Variants in TRO observed in about 807,000 individuals in gnomAD.
The protein encoded by TRO is trophinin.
In TRO, 29 loss-of-function variants were observed where a neutral mutation model predicts 42.3. The ratio of observed to expected loss-of-function variants is 0.68; its 90% CI spans 0.51 to 0.93. The LOEUF (loss-of-function observed/expected upper bound fraction) is 0.93. Ranked by LOEUF, TRO falls within the 40% of genes least tolerant of loss-of-function variation. The probability of loss-of-function intolerance (pLI) is 0.00; values close to 1 mark genes in which losing one functional copy is unlikely to be tolerated. For missense variants in TRO, 963 were observed against 1,127.7 expected (o/e 0.85, Z 2.09); for synonymous variants, 384 against 425.2 (o/e 0.90, Z 1.19).
In TRO at chrX:54,929,278, A is replaced by G; in HGVS notation, c.2554A>G (p.Thr852Ala). 8.3e-7 allele frequency: 1 copy of G among 1,211,787 alleles called. No individual in the cohort carries two copies. The highest frequency in any genetic ancestry group is 3.0e-5 in the East Asian group (1 of 33,847). The change falls in exon 12 of 13, where the codon ACA becomes GCA. Residue 852 changes from threonine to alanine, a missense_variant. By Grantham distance (58) the Thr-to-Ala change is moderately conservative. Around this residue, in one of 2 missense-constraint regions of TRO, gnomAD observed 641 missense variants for 811.3 expected, o/e 0.79. Coordinates refer to ENST00000173898, the MANE Select transcript of TRO (RefSeq NM_001039705.3). ...TGGAGCCAGCTCTGGCTTTGGAGGC[A>G]CACTCAGCACCACGGCTGGCTTTAG... is the stretch of plus-strand genomic sequence containing the variant. ...SGGASSGFGG[T>A]LSTTAGFSGV...
intron 1 of TRO, 151 bp from the exon 2 acceptor site, chrX:54,922,052 C>T (rs1485985578): frequency 7.4e-6 from 3 of 407,827 alleles, no homozygotes; most frequent in East Asian, 4.1e-5. Flanking sequence ...GCAAAAGGAG[C>T]TGGGCCTTGG....
Position 54,930,033 on chromosome X carries a change from T to G in TRO, c.3309T>G (p.Phe1103Leu). 8.3e-7 allele frequency: 1 copy of G among 1,210,349 alleles called. No homozygotes were observed. ...CCAACCCTGGCTTTGGCGGTGCATTTAGCACCAGTGCTGGCTTCGGTGGGG... is the reference window on the plus strand; with the variant it reads ...CCAACCCTGGCTTTGGCGGTGCATTGAGCACCAGTGCTGGCTTCGGTGGGG... ...PITNPGFGGA[F>L]STSAGFGGAL... Residue 1103 changes from phenylalanine to leucine, a missense_variant, in exon 12 of 13, where the codon TTT (phenylalanine) becomes TTG (leucine). Phe to Leu is a conservative substitution (Grantham distance 22, BLOSUM62 0). This residue lies in a region of TRO where 641 missense variants were observed against 811.3 expected (regional missense o/e 0.79). Transcript: ENST00000173898.
At chrX:54,924,594 C>G in intron 4 of TRO, 39 bp downstream of exon 4, 1 of 1,197,915 alleles carries the variant, frequency 8.3e-7, no homozygotes, top group Non-Finnish European at 1.1e-6. Context: ...CTCTTCTTCA[C>G]TTGCCCTCTT....
Position 54,931,322 on chromosome X carries a change from C to T in TRO, c.*130C>T, listed in dbSNP as rs1368962331. On this transcript the variant is annotated 3_prime_UTR_variant, in exon 13 of 13. Transcript: ENST00000173898. ...AGTCAAGGCAGTTATGGCCAATCAG[C>T]TGAGGGTGTCATGTGATGGAAAAAT... The T allele has an allele frequency of 8.3e-7, 1 of 1,211,040 alleles. No homozygotes were observed. The highest frequency in any genetic ancestry group is 2.2e-5 in the Admixed American group (1 of 46,002).
rs377759251 is a variant in TRO at position 54,930,061 on chromosome X, C to T, written c.3337C>T (p.Leu1113Phe). 8.3e-7 allele frequency: 1 copy of T among 1,207,700 alleles called. No individual in the cohort carries two copies. Among genetic ancestry groups the T allele is most frequent in the African/African-American group, 1.8e-5 (1 of 56,938 alleles). Residue 1113 changes from leucine to phenylalanine, a missense_variant, in exon 12 of 13, where the codon CTT becomes TTT. Leu to Phe is a conservative substitution (Grantham distance 22). Coordinates refer to ENST00000173898, the MANE Select transcript of TRO (RefSeq NM_001039705.3). ...CACCAGTGCTGGCTTCGGTGGGGCACTTAGTACCGCTGCTGACTTCGGTGG... is the reference window on the plus strand; with the variant it reads ...CACCAGTGCTGGCTTCGGTGGGGCATTTAGTACCGCTGCTGACTTCGGTGG... ...FSTSAGFGGALSTAADFGGTP... is the reference protein window; with the variant it reads ...FSTSAGFGGAFSTAADFGGTP...
At position 54,929,564 on chromosome X, in the gene TRO, C is replaced by A. The variant is rs1932922459; in HGVS notation, c.2840C>A (p.Ala947Asp). The part of the protein sequence containing the change: ...VSFGGSSSTS[A>D]NFGGTLSTSI... ...TTTGGTGGCTCTTCCAGCACCAGTGCCAATTTTGGTGGTACACTAAGTACC... is the reference window on the plus strand; with the variant it reads ...TTTGGTGGCTCTTCCAGCACCAGTGACAATTTTGGTGGTACACTAAGTACC... Residue 947 changes from alanine to aspartate, a missense_variant, in exon 12 of 13, where the codon GCC (alanine) becomes GAC (aspartate). Around this residue, in one of 2 missense-constraint regions of TRO, gnomAD observed 641 missense variants for 811.3 expected, o/e 0.79. Transcript: ENST00000173898. The A allele has an allele frequency of 8.3e-7, 1 of 1,210,352 alleles. No homozygotes were observed.
rs1341740620 is a variant in TRO at position 54,922,507 on chromosome X, A to G, written c.46-71A>G. ...ATTAACCACTGCTCAGAGGAAGGGA[A>G]GGCCTTTGTGGAAAGGGATGGGCTT... On this transcript the variant is annotated intron_variant, in intron 2 of 12. Coordinates refer to ENST00000173898, the MANE Select transcript of TRO (RefSeq NM_001039705.3). The G allele has an allele frequency of 2.9e-6, 3 of 1,031,283 alleles. No individual in the cohort carries two copies. In the African/African-American group the frequency reaches 5.7e-5, roughly 20 times the overall value. 85.0% of individuals were successfully genotyped at this position (1,031,283 alleles called of 1,213,427 possible).
Position 54,924,069 on chromosome X carries a change from G to A in TRO, c.1236+301G>A, listed in dbSNP as rs1932465327. On this transcript the variant is annotated intron_variant, in intron 3 of 12. Transcript: ENST00000173898. ...ACAGTTACACAGGGTATGTCTGAAT[G>A]TCTTGAAAGTAACTCTTACCAACAA... 3.2e-5 allele frequency: 11 copies of A among 347,988 alleles called. No individual in the cohort carries two copies. In the East Asian group the frequency reaches 4.8e-4, roughly 15 times the overall value. 28.7% of individuals were successfully genotyped at this position (347,988 alleles called of 1,213,427 possible).
chrX:54,923,124 A>C lies in TRO; in HGVS notation c.592A>C (p.Thr198Pro). ...GTCAGCCAGTTCCCAAGCCTTGATA[A>C]CCTCTATCAAGCCTAAGAAAGCTTC... ...NESASSQALITSIKPKKASKA... is the reference protein window; with the variant it reads ...NESASSQALIPSIKPKKASKA... Residue 198 changes from threonine (T) to proline (P), a missense_variant, in exon 3 of 13, where the codon ACC (threonine) becomes CCC (proline). Physicochemically the swap from Thr to Pro is conservative, Grantham distance 38 (BLOSUM62 -1). Transcript: ENST00000173898. 2 of 1,211,351 alleles carry C rather than the reference A, an allele frequency of 1.7e-6. No individual in the cohort carries two copies.
rs775669082 is a variant in TRO at position 54,926,577 on chromosome X, T to G, written c.1658-6T>G. 17 of 1,210,255 alleles carry G rather than the reference T, an allele frequency of 1.4e-5. No homozygotes were observed. The East Asian group carries it at 5.0e-4, about 36-fold the overall frequency. On this transcript the variant is annotated splice_polypyrimidine_tract_variant and splice_region_variant and intron_variant, in intron 8 of 12. Transcript: ENST00000173898. ...TGTCCCTGTCTCCTCTTGCCTCCCCTCACAGCTGTCATCTGGGAGGTGCTG... is the reference window on the plus strand; with the variant it reads ...TGTCCCTGTCTCCTCTTGCCTCCCCGCACAGCTGTCATCTGGGAGGTGCTG...
intron 1 of TRO, 170 bp from the exon 2 acceptor site, chrX:54,922,033 C>A (rs898109840): frequency 1.6e-5 from 6 of 385,354 alleles, no homozygotes; most frequent in Admixed American, 4.6e-5. Flanking sequence ...AGAACTGACT[C>A]TCTCGGAGGC....
intron 10 of TRO, 32 bp from the exon 11 acceptor site, chrX:54,927,635 G>C (rs1419015313): frequency 8.6e-7 from 1 of 1,156,944 alleles, no homozygotes; most frequent in Non-Finnish European, 1.2e-6. Flanking sequence ...GGGTTGCTTG[G>C]TTAGAAACAA....
At position 54,925,681 on chromosome X, in the gene TRO, A is replaced by C. The variant is rs374349231; in HGVS notation, c.1575A>C (p.Gly525=). ...STQESSAGIL[G]TTKDTPKLGL... ...AGGAATCCTCTGCAGGCATACTGGG[A>C]ACGTAAGCTGGGAAAGGGCTGGAGT... The change falls in exon 7 of 13, where the codon GGA becomes GGC. Residue 525 remains glycine, a splice_region_variant and synonymous_variant. Coordinates refer to ENST00000173898, the MANE Select transcript of TRO (RefSeq NM_001039705.3). 5.8e-5 allele frequency: 70 copies of C among 1,201,795 alleles called. No homozygotes were observed. Among genetic ancestry groups the C allele is most frequent in the Non-Finnish European group, 7.8e-5 (69 of 888,344 alleles).
In TRO at chrX:54,923,538, C is replaced by A; in HGVS notation, c.1006C>A (p.Arg336=). The change falls in exon 3 of 13, where the codon CGG becomes AGG. Residue 336 remains arginine (R), a synonymous_variant. Transcript: ENST00000173898. ...AAACCAAGCCCTGGCAGCCACCCTG[C>A]GGGTCAAGAGAGGGTCTAGGGCTCG... ...VTNQALAATL[R]VKRGSRARKA... 1.7e-6 allele frequency: 2 copies of A among 1,189,392 alleles called. No homozygotes were observed. The highest frequency in any genetic ancestry group is 1.1e-6 in the Non-Finnish European group (1 of 883,165).
At chrX:54,927,232 C>T in intron 10 of TRO, 127 bp downstream of exon 10, 1 of 764,397 alleles carries the variant, frequency 1.3e-6, no homozygotes, top group Non-Finnish European at 1.9e-6. Flanking sequence ...TGTCCTAGAA[C>T]TGATACTGTC....
At chrX:54,924,313 G>A in intron 3 of TRO, 138 bp from the exon 4 acceptor site, 2 of 543,104 alleles carry the variant, frequency 3.7e-6, no homozygotes, top group Non-Finnish European at 5.9e-6. Context: ...CCAATGGCAA[G>A]GTCAGGATCA....
rs1932279046 is a variant in TRO, at chrX:54,922,980, G to A, written c.448G>A (p.Ala150Thr). The A allele has an allele frequency of 8.3e-7, 1 of 1,212,081 alleles. No individual in the cohort carries two copies. Residue 150 changes from alanine to threonine, a missense_variant, in exon 3 of 13, where the codon GCC (alanine) becomes ACC (threonine). Ala to Thr is a moderately conservative substitution (Grantham distance 58). This residue lies in a region of TRO where 322 missense variants were observed against 316.5 expected (regional missense o/e 1.02). Coordinates refer to ENST00000173898, the MANE Select transcript of TRO (RefSeq NM_001039705.3). ...GATGAAGAGAGTTACTGCCAAGGCA[G>A]CCCAAGGCTCCCAATCCCCAACTGG... ...NKMKRVTAKA[A>T]QGSQSPTGHE...
At position 54,928,707 on chromosome X, in the gene TRO, T is replaced by C; in HGVS notation, c.1983T>C (p.Ala661=). ...AVAVAEAEAR[A]EARAQMGIGE... ...CTGTGGCTGAGGCTGAAGCCAGGGC[T>C]GAGGCAAGAGCCCAAATGGGGATTG... is the stretch of plus-strand genomic sequence containing the variant. Residue 661 remains alanine (A), a synonymous_variant, in exon 12 of 13, where the codon GCT becomes GCC. Transcript: ENST00000173898. 8.3e-7 allele frequency: 1 copy of C among 1,210,145 alleles called. No individual in the cohort carries two copies. The highest frequency in any genetic ancestry group is 1.1e-6 in the Non-Finnish European group (1 of 894,729).
chrX:54,922,915 A>G lies in TRO; in HGVS notation c.383A>G (p.Gln128Arg), dbSNP rs1158654867. 2 of 1,210,128 alleles carry G rather than the reference A, an allele frequency of 1.7e-6. No homozygotes were observed. The highest frequency in any genetic ancestry group is 4.4e-5 in the Admixed American group (2 of 45,820). Reference protein sequence around the residue: ...ALPTTEVTNTQASSVTAQPKK... With the variant: ...ALPTTEVTNTRASSVTAQPKK... Reference sequence around the variant, plus strand: ...CCTACCACTGAGGTAACCAATACTCAGGCTTCTTCAGTCACTGCTCAGCCT... The same window carrying G: ...CCTACCACTGAGGTAACCAATACTCGGGCTTCTTCAGTCACTGCTCAGCCT... Residue 128 changes from glutamine (Q) to arginine (R), a missense_variant, in exon 3 of 13, where the codon CAG (glutamine) becomes CGG (arginine). Gln to Arg is a conservative substitution (Grantham distance 43, BLOSUM62 1). Coordinates refer to ENST00000173898, the MANE Select transcript of TRO (RefSeq NM_001039705.3).
Sources: gnomAD v4.1 joint callset for allele counts on GRCh38, gnomAD v4.1.1 for gene constraint, gnomAD v4.1.1 regional missense constraint, MANE v1.5 for transcripts, NCBI Gene and HGNC (gene_info 2026-07-23, HGNC 2026-07-21) for gene names.